UGT1A10: variants seen among roughly 807,000 people sequenced by gnomAD.
UGT1A10 encodes the protein UDP glucuronosyltransferase family 1 member A10.
In UGT1A10, 49 loss-of-function variants were observed where a neutral mutation model predicts 45.8. That is an observed-to-expected ratio of 1.07 (90% CI 0.85 to 1.36). The LOEUF is 1.36. UGT1A10 is among the 40% of genes most tolerant of loss of function. The probability of loss-of-function intolerance (pLI) is 0.00; values close to 1 mark genes in which losing one functional copy is unlikely to be tolerated. For missense variants in UGT1A10, 745 were observed against 668.6 expected (o/e 1.11, Z -1.26); for synonymous variants, 284 against 249.7 (o/e 1.14, Z -1.29).
At chr2:233,707,185 G>A (rs1175311171) in intron 1 of UGT1A10, among the ~76,000 whole-genome samples, 1 of 152,072 alleles carries the variant, frequency 6.6e-6, no homozygotes, top group African/African-American at 2.4e-5. Flanking sequence ...CTGGGTGCCT[G>A]CCCTCCGTTC....
intron 1 of UGT1A10, chr2:233,719,812 CAG>C: frequency 6.3e-7 from 1 of 1,587,558 alleles, no homozygotes; most frequent in Non-Finnish European, 8.6e-7. Flanking sequence ...TTCTTTATAA[CAG>C]ATAAACTGTT....
At chr2:233,682,126 T>A in intron 1 of UGT1A10, 1 of 1,614,070 alleles carries the variant, frequency 6.2e-7, no homozygotes, top group East Asian at 2.2e-5. Flanking sequence ...CAGAGGTGAG[T>A]TGGCAACTGG....
intron 1 of UGT1A10, among the ~76,000 whole-genome samples, chr2:233,766,114 G>A (rs1214540183): frequency 6.6e-6 from 1 of 152,178 alleles, no homozygotes; most frequent in Non-Finnish European, 1.5e-5. Flanking sequence ...CTGGGGGCTT[G>A]CCTTGGTGTA....
At chr2:233,644,540 G>A (rs2073549029) in intron 1 of UGT1A10, among the ~76,000 whole-genome samples, 2 of 152,042 alleles carry the variant, frequency 1.3e-5, no homozygotes, top group African/African-American at 2.4e-5. Flanking sequence ...CAGCCTAGAT[G>A]ACAGAGTGAG....
intron 1 of UGT1A10, among the ~76,000 whole-genome samples, chr2:233,702,498 T>C (rs1372643212): frequency 6.6e-6 from 1 of 152,198 alleles, no homozygotes; most frequent in Non-Finnish European, 1.5e-5. Context: ...TAGTACCGTG[T>C]TGAATAGAAG....
chr2:233,672,615 C>T (rs773775333), intron 1 of UGT1A10: 1 of 1,613,742 alleles, frequency 6.2e-7, no homozygotes, highest in Admixed American at 1.7e-5. Flanking sequence ...TCAAAAATGC[C>T]CTAGAAATAG....
At chr2:233,719,330 G>T in intron 1 of UGT1A10, 1 of 1,613,866 alleles carries the variant, frequency 6.2e-7, no homozygotes, top group Admixed American at 1.7e-5. Flanking sequence ...TTCCTGCTGT[G>T]TTTTTTTGGA....
Position 233,760,394 on chromosome 2 carries a change from A to G in UGT1A10, c.856-6640A>G, listed in dbSNP as rs1244863017. On this transcript the variant is annotated intron_variant, in intron 1 of 4. Coordinates refer to ENST00000344644, the MANE Select transcript of UGT1A10 (RefSeq NM_019075.4). ...GGGAAGATACTGTTGATCCCAGTGG[A>G]TGGCAGCCACTGGCTGAGCATGCTT... 2.5e-6 allele frequency: 4 copies of G among 1,614,048 alleles called. No individual in the cohort carries two copies. Among genetic ancestry groups the G allele is most frequent in the African/African-American group, 1.3e-5 (1 of 74,926 alleles).
chr2:233,755,460 GC>G, intron 1 of UGT1A10: 1 of 281,180 alleles, frequency 3.6e-6, no homozygotes, highest in South Asian at 3.7e-5. Context: ...GACTGGCCCT[GC>G]TCTCTGTGAG....
At chr2:233,669,374 G>T (rs77668415) in intron 1 of UGT1A10, among the ~76,000 whole-genome samples, 4,547 of 152,004 alleles carry the variant, frequency 0.03, 211 homozygotes, top group African/African-American at 0.1. Flanking sequence ...AATTTAGATT[G>T]GGGTTGTATT....
At chr2:233,751,618 G>A (rs1295625249) in intron 1 of UGT1A10, among the ~76,000 whole-genome samples, 1 of 152,174 alleles carries the variant, frequency 6.6e-6, no homozygotes, top group East Asian at 1.9e-4. Context: ...GAGGTGATTG[G>A]ATCATGTGTG....
At chr2:233,768,122 G>A in intron 3 of UGT1A10, 98 bp from the exon 4 acceptor site, 1 of 1,602,552 alleles carries the variant, frequency 6.2e-7, no homozygotes, top group Non-Finnish European at 8.5e-7. Flanking sequence ...GGGCATGTGA[G>A]TAACACTGAG....
chr2:233,706,366 C>T (rs775485067), intron 1 of UGT1A10, among the ~76,000 whole-genome samples: 1 of 152,190 alleles, frequency 6.6e-6, no homozygotes, highest in East Asian at 1.9e-4. Context: ...CCAATTTAGG[C>T]CATTGTACAA....
chr2:233,765,917 T>C (rs1002014731), intron 1 of UGT1A10, among the ~76,000 whole-genome samples: 3 of 151,992 alleles, frequency 2.0e-5, no homozygotes, highest in African/African-American at 7.3e-5. Context: ...TAGGGGAGCA[T>C]ACAGACGGGC....
intron 1 of UGT1A10, chr2:233,721,850 A>G: frequency 1.9e-6 from 1 of 514,452 alleles, no homozygotes; most frequent in Non-Finnish European, 3.9e-6. Context: ...GTCCAGCCCC[A>G]CTGCTCGGCC....
At chr2:233,639,386 G>T (rs1322239823) in intron 1 of UGT1A10, among the ~76,000 whole-genome samples, 1 of 152,142 alleles carries the variant, frequency 6.6e-6, no homozygotes, top group Non-Finnish European at 1.5e-5. Flanking sequence ...AAAGAGCCTT[G>T]GATATGGCCC....
intron 1 of UGT1A10, among the ~76,000 whole-genome samples, chr2:233,737,983 G>A (rs936193524): frequency 6.6e-6 from 1 of 151,932 alleles, no homozygotes; most frequent in African/African-American, 2.4e-5. Flanking sequence ...ATATGGTTTG[G>A]CTCTGTGTCC....
chr2:233,712,339 T>C (rs545397552), intron 1 of UGT1A10, among the ~76,000 whole-genome samples: 1 of 152,174 alleles, frequency 6.6e-6, no homozygotes, highest in African/African-American at 2.4e-5. Context: ...AATCTGATCA[T>C]CACATCTTGA....
Position 233,637,232 on chromosome 2 carries a change from C to T in UGT1A10, c.710C>T (p.Thr237Ile). The change falls in exon 1 of 5, where the codon ACC becomes ATC. Residue 237 changes from threonine (T) to isoleucine (I), a missense_variant. Transcript: ENST00000344644. ...GAAATAGCCTCTGAAATTCTCCAAACCCCTGTCACGGCATATGATCTCTAC... is the reference window on the plus strand; with the variant it reads ...GAAATAGCCTCTGAAATTCTCCAAATCCCTGTCACGGCATATGATCTCTAC... ...ALEIASEILQ[T>I]PVTAYDLYSH... is the part of the protein sequence containing the mutation. 6.2e-7 allele frequency: 1 copy of T among 1,613,956 alleles called. No homozygotes were observed. The highest frequency in any genetic ancestry group is 8.5e-7 in the Non-Finnish European group (1 of 1,179,860).
Sources: gnomAD v4.1 joint callset for allele counts (sites outside exome capture counted in the v4.1 genomes callset) on GRCh38, gnomAD v4.1.1 for gene constraint, MANE v1.5 for transcripts, NCBI Gene and HGNC (gene_info 2026-07-23, HGNC 2026-07-21) for gene names.